The following DNAH3 variants were observed in gnomAD, a reference collection of about 807,000 sequenced individuals.
DNAH3 encodes dynein axonemal heavy chain 3.
DNAH3 carries 332 observed loss-of-function variants against 432.5 expected under a neutral mutation model. That is an observed-to-expected ratio of 0.77 (90% confidence interval 0.70 to 0.84). The LOEUF (loss-of-function observed/expected upper bound fraction) is 0.84, where lower values mean the gene tolerates loss of function less well. DNAH3 is among the 40% of genes least tolerant of loss of function. The probability of loss-of-function intolerance (pLI) is 0.00; values close to 1 mark genes in which losing one functional copy is unlikely to be tolerated. For missense variants in DNAH3, 4,861 were observed against 5,114.0 expected (o/e 0.95, Z 1.51); for synonymous variants, 1,956 against 1,900.2 (o/e 1.03, Z -0.76).
At chr16:21,013,619 T>C (rs1256803696) in intron 41 of DNAH3, among the ~76,000 whole-genome samples, 1 of 147,644 alleles carries the variant, frequency 6.8e-6, no homozygotes, top group Admixed American at 7.0e-5. Context: ...CTCGGGAGGC[T>C]GAGGCAGAAG....
chr16:20,966,970 C>T (rs1165638760), intron 52 of DNAH3, among the ~76,000 whole-genome samples: 5 of 152,122 alleles, frequency 3.3e-5, no homozygotes, highest in African/African-American at 1.2e-4. Context: ...CAATCCCATC[C>T]CGGAACAATG....
At chr16:20,988,677 T>A (rs1420993829) in intron 44 of DNAH3, among the ~76,000 whole-genome samples, 2 of 152,250 alleles carry the variant, frequency 1.3e-5, no homozygotes, top group Middle Eastern at 3.2e-3. Context: ...GGAATACTTT[T>A]GTTGAAAGTG....
chr16:21,042,075 G>A (rs2089467752), exon 32 of DNAH3: 2 of 1,613,892 alleles, frequency 1.2e-6, no homozygotes, highest in African/African-American at 1.3e-5. Context: ...CGGGGTTCAT[G>A]GTGATGAACA....
chr16:20,998,885 A>T (rs1432302141), intron 43 of DNAH3, among the ~76,000 whole-genome samples: 1 of 152,110 alleles, frequency 6.6e-6, no homozygotes, highest in Non-Finnish European at 1.5e-5. Flanking sequence ...CTTTATAAGG[A>T]AGATAGTATT....
At chr16:21,096,667 T>C (rs962772065) in intron 18 of DNAH3, among the ~76,000 whole-genome samples, 1 of 152,230 alleles carries the variant, frequency 6.6e-6, no homozygotes, top group Non-Finnish European at 1.5e-5. Flanking sequence ...TTTGTTTGTT[T>C]TGTTTTGTTT....
chr16:21,143,924 A>C (rs2092751191), intron 3 of DNAH3, among the ~76,000 whole-genome samples: 1 of 152,234 alleles, frequency 6.6e-6, no homozygotes, highest in Non-Finnish European at 1.5e-5. Context: ...AAGACTGAAC[A>C]GAGTTGAAGA....
intron 7 of DNAH3, chr16:21,129,938 A>G (rs1168595307): frequency 6.6e-6 from 1 of 152,032 alleles, no homozygotes; most frequent in African/African-American, 2.4e-5. Flanking sequence ...AACATATTAT[A>G]TAATTTATTT....
chr16:21,156,996 AACAC>A (rs34199213), intron 1 of DNAH3, among the ~76,000 whole-genome samples: 48 of 147,430 alleles, frequency 3.3e-4, no homozygotes, highest in African/African-American at 6.3e-4. Context: ...AATCTAAGGA[AACAC>A]ACACACACAC....
At chr16:21,085,527 CAAAAAAAAAAAAAAA>C (rs34136946) in intron 19 of DNAH3, among the ~76,000 whole-genome samples, 1 of 81,324 alleles carries the variant, frequency 1.2e-5, no homozygotes, top group African/African-American at 4.7e-5. Context: ...GATTCCACCT[CAAAAAAAAAAAAAAA>C]AAAAAAGAAA....
At chr16:21,097,848 T>A (rs2091729363) in intron 17 of DNAH3, among the ~76,000 whole-genome samples, 1 of 152,212 alleles carries the variant, frequency 6.6e-6, no homozygotes, top group African/African-American at 2.4e-5. Context: ...GCCTCAGAAG[T>A]AAGAATTTTA....
At chr16:21,106,214 G>A (rs2091942838) in intron 15 of DNAH3, among the ~76,000 whole-genome samples, 1 of 149,408 alleles carries the variant, frequency 6.7e-6, no homozygotes, top group Admixed American at 6.7e-5. Flanking sequence ...TGGAGGTCAA[G>A]TGTCTATCTA....
intron 39 of DNAH3, among the ~76,000 whole-genome samples, chr16:21,022,833 C>A (rs2088319926): frequency 6.6e-6 from 1 of 151,968 alleles, no homozygotes; most frequent in South Asian, 2.1e-4. Context: ...CAACCTCCGC[C>A]CCCACTGGGT....
chr16:21,135,082 T>C (rs971145401), intron 6 of DNAH3, among the ~76,000 whole-genome samples: 14 of 152,188 alleles, frequency 9.2e-5, no homozygotes, highest in African/African-American at 3.4e-4. Context: ...AGCTTCACTC[T>C]TGGTGTTTGT....
chr16:21,065,373 C>T (rs1178438871), intron 24 of DNAH3, among the ~76,000 whole-genome samples: 1 of 152,086 alleles, frequency 6.6e-6, no homozygotes, highest in African/African-American at 2.4e-5. Context: ...GTTGGCCAGG[C>T]TGGTCTCGAA....
chr16:21,070,701 T>C lies in DNAH3; in HGVS notation c.3201+9A>G, dbSNP rs200545578. ...ACACCTCAAAGCATTCAACTTCATT[T>C]CCTCTTACCCGGCATTCTGCTTCTA... is the stretch of plus-strand genomic sequence containing the variant. On this transcript the variant is annotated intron_variant, in intron 22 of 61. Coordinates refer to ENST00000261383, the Ensembl canonical transcript of DNAH3. 31 of 1,582,990 alleles carry C rather than the reference T, an allele frequency of 2.0e-5. No individual in the cohort carries two copies. The highest frequency in any genetic ancestry group is 2.7e-5 in the Non-Finnish European group (31 of 1,152,018).
At chr16:21,005,384 T>C (rs369102145) in intron 41 of DNAH3, among the ~76,000 whole-genome samples, 2 of 151,544 alleles carry the variant, frequency 1.3e-5, no homozygotes, top group East Asian at 3.9e-4. Context: ...TTTTCTCTTT[T>C]TTCTTTCTTT....
At position 21,136,662 on chromosome 16, in the gene DNAH3, T is replaced by C. The variant is rs888373807; in HGVS notation, c.697-149A>G. The C allele has an allele frequency of 2.8e-5, 20 of 723,074 alleles. No individual in the cohort carries two copies. The African/African-American group carries it at 3.4e-4, about 12-fold the overall frequency. The allele number at this position is 723,074 out of a possible 1,614,324, so 44.8% of individuals were successfully genotyped here. The stretch of plus-strand genomic sequence containing the variant: ...AACCATGCATTCTGGGCCTGTCGCT[T>C]CACACTCATGGCAAGAAGATCACTG... On this transcript the variant is annotated intron_variant, in intron 5 of 61. Transcript: ENST00000261383.
intron 42 of DNAH3, among the ~76,000 whole-genome samples, chr16:21,001,976 G>A (rs1161869855): frequency 2.6e-5 from 4 of 152,168 alleles, no homozygotes; most frequent in Non-Finnish European, 5.9e-5. Flanking sequence ...TGGAGCTCAA[G>A]TGACTAAGCT....
chr16:20,982,857 T>C (rs778899204), exon 49 of DNAH3: 1 of 1,614,158 alleles, frequency 6.2e-7, no homozygotes, highest in East Asian at 2.2e-5. Context: ...CGCAGGCGGT[T>C]CCTGAAGGCA....
Sources: allele counts gnomAD v4.1 joint callset (sites outside exome capture counted in the v4.1 genomes callset), GRCh38; gene constraint gnomAD v4.1.1; transcripts MANE v1.5; gene names NCBI Gene and HGNC (gene_info 2026-07-23, HGNC 2026-07-21).